Variants in RBM27 observed in about 807,000 individuals in gnomAD.
RBM27 encodes RNA binding motif protein 27, also known as RNA-binding protein 27.
Under a neutral mutation model 135.3 loss-of-function variants are expected in RBM27, and 22 were observed. The observed-to-expected ratio is 0.16, with a 90% CI of 0.12 to 0.23. RBM27 has a LOEUF of 0.23. Ranked by LOEUF, RBM27 falls within the 10% of genes least tolerant of loss-of-function variation. The probability of loss-of-function intolerance (pLI) is 1.00; values close to 1 mark genes in which losing one functional copy is unlikely to be tolerated. For synonymous variants in RBM27, 481 were observed against 442.4 expected, an observed-to-expected ratio of 1.09 and a Z score of -1.10; for missense variants, 1,009 against 1,281.0, an observed-to-expected ratio of 0.79 and a Z score of 3.24.
chr5:146,285,904 C>A, intron 20 of RBM27, 43 bp from the exon 21 acceptor site: 1 of 1,465,026 alleles, frequency 6.8e-7, no homozygotes, highest in Non-Finnish European at 9.6e-7. Flanking sequence ...TTTTACTTAC[C>A]ATTCTTGTGC....
intron 8 of RBM27, among the ~76,000 whole-genome samples, chr5:146,239,647 T>A (rs1207161320): frequency 2.0e-5 from 3 of 151,790 alleles, no homozygotes; most frequent in Admixed American, 1.3e-4. Context: ...CCAGCTAATC[T>A]TTTTGTATTT....
At chr5:146,214,858 C>G (rs1320292144) in intron 1 of RBM27, among the ~76,000 whole-genome samples, 1 of 152,196 alleles carries the variant, frequency 6.6e-6, no homozygotes, top group Non-Finnish European at 1.5e-5. Flanking sequence ...TGTTCCCTCA[C>G]ATTAAACAAA....
At position 146,269,742 on chromosome 5, in the gene RBM27, CTTTTTTTTTTTTTTTTT is replaced by C. The variant is rs34783557; in HGVS notation, c.2691+166_2691+182del. ...AAAAAAAAAATCCTAATTATAGTACCTTTTTTTTTTTTTTTTTTTTTTTTAAGAGACAAGGTCTCACT... is the reference window on the plus strand; with the variant it reads ...AAAAAAAAAATCCTAATTATAGTACCTTTTTTTAAGAGACAAGGTCTCACT... On this transcript the variant is annotated intron_variant, in intron 17 of 20. Transcript: ENST00000265271. 2.9e-4 allele frequency among the ~76,000 whole-genome samples: 35 copies of C among 118,936 alleles called. No homozygotes were observed. The South Asian group carries it at 4.8e-3, about 16-fold the overall frequency. 78.0% of individuals were successfully genotyped at this position (118,936 alleles called of 152,430 possible).
At chr5:146,270,370 G>A (rs1294035932) in intron 17 of RBM27, among the ~76,000 whole-genome samples, 1 of 151,956 alleles carries the variant, frequency 6.6e-6, no homozygotes, top group Non-Finnish European at 1.5e-5. Context: ...TTCTCTATCA[G>A]TATAGAAACA....
chr5:146,271,694 A>G lies in RBM27; in HGVS notation c.2988+20A>G, dbSNP rs922859386. On this transcript the variant is annotated intron_variant, in intron 19 of 20. Transcript: ENST00000265271. ...TTCTCAGTAAGTTTTTAAAATAGCA[A>G]ATGCTAACTGTAAAAACACTGTGCT... 1 of 1,582,946 alleles carries G rather than the reference A, an allele frequency of 6.3e-7. No individual in the cohort carries two copies. Among genetic ancestry groups the G allele is most frequent in the Non-Finnish European group, 8.7e-7 (1 of 1,153,240 alleles).
intron 1 of RBM27, among the ~76,000 whole-genome samples, chr5:146,216,939 C>G (rs144901691): frequency 1.4e-4 from 21 of 152,056 alleles, no homozygotes; most frequent in Non-Finnish European, 8.8e-5. Context: ...TAGGCATGAG[C>G]CACCAGGCCC....
chr5:146,238,680 G>C (rs1057096880), intron 8 of RBM27, among the ~76,000 whole-genome samples: 1 of 149,028 alleles, frequency 6.7e-6, no homozygotes, highest in African/African-American at 2.5e-5. Flanking sequence ...TTTTTACAAG[G>C]CCTGGTAACT....
At chr5:146,255,147 A>G (rs1364338855) in intron 10 of RBM27, 55 bp downstream of exon 10, 4 of 1,479,216 alleles carry the variant, frequency 2.7e-6, no homozygotes, top group Non-Finnish European at 2.8e-6. Flanking sequence ...AGTTGGATAT[A>G]GTTATTACAT....
At chr5:146,233,786 G>C in intron 7 of RBM27, 43 bp downstream of exon 7, 3 of 1,314,862 alleles carry the variant, frequency 2.3e-6, no homozygotes, top group Non-Finnish European at 3.0e-6. Flanking sequence ...GTTCTGTTTA[G>C]AAGAACCTCA....
chr5:146,251,845 T>A lies in RBM27; in HGVS notation c.1414T>A (p.Ser472Thr). The change falls in exon 9 of 21, where the codon TCA becomes ACA. Residue 472 changes from serine (S) to threonine (T), a missense_variant. This residue lies in a region of RBM27 where 329 missense variants were observed against 368.1 expected (regional missense o/e 0.89). Transcript: ENST00000265271. ...LMGSSIGYHT[S>T]VSSPTPLVPD... is the part of the protein sequence containing the mutation. ...GGGATCCTCCATTGGATACCATACC[T>A]CAGTCTCCAGCCCTACCCCTCTGGT... 2 of 1,614,138 alleles carry A rather than the reference T, an allele frequency of 1.2e-6. No homozygotes were observed. The highest frequency in any genetic ancestry group is 1.7e-6 in the Non-Finnish European group (2 of 1,180,024).
intron 1 of RBM27, among the ~76,000 whole-genome samples, chr5:146,217,464 GTTTTTTTTTTTTTTTTT>G (rs545963169): frequency 1.1e-4 from 8 of 70,746 alleles, no homozygotes; most frequent in African/African-American, 4.3e-4. Flanking sequence ...GCTGAAGCCT[GTTTTTTTTTTTTTTTTT>G]TTTTTTTTTT....
intron 8 of RBM27, among the ~76,000 whole-genome samples, chr5:146,247,238 T>C (rs966194242): frequency 6.6e-6 from 1 of 152,130 alleles, no homozygotes; most frequent in African/African-American, 2.4e-5. Context: ...TTAGAATAAG[T>C]CCCAAATATA....
intron 2 of RBM27, among the ~76,000 whole-genome samples, chr5:146,219,590 G>A (rs2126710700): frequency 6.6e-6 from 1 of 152,146 alleles, no homozygotes; most frequent in East Asian, 1.9e-4. Flanking sequence ...GGTTTCCCCT[G>A]TTGCCTCTCT....
rs1368175893 is a variant in RBM27, at chr5:146,233,548, C to T, written c.949C>T (p.Pro317Ser). The T allele has an allele frequency of 1.2e-6, 2 of 1,613,192 alleles. No individual in the cohort carries two copies. The highest frequency in any genetic ancestry group is 1.3e-5 in the African/African-American group (1 of 74,776). Residue 317 changes from proline to serine, a missense_variant, in exon 7 of 21, where the codon CCA becomes TCA. Coordinates refer to ENST00000265271, the MANE Select transcript of RBM27 (RefSeq NM_018989.2). ...EVALPSMIPF[P>S]PPPPGLPPPP... is the part of the protein sequence containing the mutation. ...TGCTCTGCCAAGTATGATTCCTTTC[C>T]CACCCCCTCCTCCTGGGCTTCCTCC...
chr5:146,229,889 C>G lies in RBM27; in HGVS notation c.568C>G (p.Arg190Gly). ...CCGAAGTAGGGGGCGCAGCAAAGACCGGGATCCAAATAGGAATGTTGGTGA... is the reference window on the plus strand; with the variant it reads ...CCGAAGTAGGGGGCGCAGCAAAGACGGGGATCCAAATAGGAATGTTGGTGA... The part of the protein sequence containing the change: ...RSRSRGRSKD[R>G]DPNRNVEHRE... The change falls in exon 5 of 21, where the codon CGG becomes GGG. Residue 190 changes from arginine (R) to glycine (G), a missense_variant. Transcript: ENST00000265271. The G allele has an allele frequency of 6.2e-7, 1 of 1,613,858 alleles. No homozygotes were observed. The highest frequency in any genetic ancestry group is 1.3e-5 in the African/African-American group (1 of 75,030).
intron 6 of RBM27, among the ~76,000 whole-genome samples, chr5:146,231,649 G>A (rs999247983): frequency 6.6e-6 from 1 of 151,964 alleles, no homozygotes; most frequent in African/African-American, 2.4e-5. Flanking sequence ...AGACGGACTT[G>A]CTCTGTCCCC....
chr5:146,228,309 A>C lies in RBM27; in HGVS notation c.304-637A>C, dbSNP rs537741424. On this transcript the variant is annotated intron_variant, in intron 3 of 20. Coordinates refer to ENST00000265271, the MANE Select transcript of RBM27 (RefSeq NM_018989.2). ...TTTTTTTTTTTTTTTTTTTGAGACA[A>C]AGTCTCGTGTTGCCCAGGCTGGAGC... Among the ~76,000 whole-genome samples the C allele has an allele frequency of 5.4e-4, 77 of 143,710 alleles. 1 individual carries two copies. The highest frequency in any genetic ancestry group is 2.1e-3 in the Admixed American group (30 of 14,406). The allele number at this position is 143,710 out of a possible 152,430, so 94.3% of individuals were successfully genotyped here. A position where few individuals can be genotyped will look rare whatever the true frequency, so the allele number is the denominator to read the frequency against.
chr5:146,250,264 C>T (rs1246843463), intron 8 of RBM27, among the ~76,000 whole-genome samples: 2 of 151,844 alleles, frequency 1.3e-5, no homozygotes, highest in Admixed American at 1.3e-4. Context: ...CACGGTGAAA[C>T]CCCGTCTCTA....
At chr5:146,255,193 C>A in intron 10 of RBM27, 101 bp downstream of exon 10, 2 of 1,022,754 alleles carry the variant, frequency 2.0e-6, no homozygotes, top group Non-Finnish European at 2.8e-6. Flanking sequence ...AATTAAGGTC[C>A]AAATTACTTA....
Sources: allele counts gnomAD v4.1 joint callset (sites outside exome capture counted in the v4.1 genomes callset), GRCh38; gene constraint gnomAD v4.1.1; regional missense constraint gnomAD v4.1.1; transcripts MANE v1.5; gene names NCBI Gene and HGNC (gene_info 2026-07-23, HGNC 2026-07-21).